KAZN: variants seen among roughly 807,000 people sequenced by gnomAD.
KAZN encodes kazrin, periplakin interacting protein, also known as kazrin.
A neutral mutation model predicts 87.4 loss-of-function variants in KAZN; 40 were observed. That is an observed-to-expected ratio of 0.46 (90% confidence interval 0.36 to 0.60). The LOEUF (loss-of-function observed/expected upper bound fraction) is 0.60, where lower values mean the gene tolerates loss of function less well. KAZN is among the 20% of genes least tolerant of loss of function. The pLI is 0.00. For missense variants in KAZN, 898 were observed against 1,073.9 expected (o/e 0.84, Z 2.29); for synonymous variants, 466 against 458.3 (o/e 1.02, Z -0.22).
intron 1 of KAZN, among the ~76,000 whole-genome samples, chr1:14,941,560 G>A (rs533705472): frequency 1.4e-5 from 2 of 139,290 alleles, no homozygotes; most frequent in African/African-American, 5.4e-5. Context: ...TGGGATGGGG[G>A]TGTGGGGTGG....
At chr1:14,922,111 T>A (rs1658590436) in intron 1 of KAZN, among the ~76,000 whole-genome samples, 1 of 152,238 alleles carries the variant, frequency 6.6e-6, no homozygotes, top group Admixed American at 6.5e-5. Context: ...AGACTATGTT[T>A]CTTTGCGGAA....
intron 2 of KAZN, among the ~76,000 whole-genome samples, chr1:14,510,972 G>T (rs541519370): frequency 7.2e-5 from 11 of 152,238 alleles, no homozygotes; most frequent in African/African-American, 2.6e-4. Flanking sequence ...TAGACCAAGA[G>T]GTCTCTTCGT....
chr1:14,460,978 C>A (rs1204300233), intron 2 of KAZN, among the ~76,000 whole-genome samples: 2 of 152,172 alleles, frequency 1.3e-5, no homozygotes, highest in South Asian at 2.1e-4. Flanking sequence ...AGGCTCAAAC[C>A]TAGAGTATCT....
chr1:14,156,837 A>G (rs545466602), intron 1 of KAZN, among the ~76,000 whole-genome samples: 1 of 149,600 alleles, frequency 6.7e-6, no homozygotes, highest in Non-Finnish European at 1.5e-5. Flanking sequence ...TTTACATTCC[A>G]TGCTATTATT....
chr1:13,952,417 G>T (rs935412941), intron 1 of KAZN, among the ~76,000 whole-genome samples: 2 of 151,766 alleles, frequency 1.3e-5, no homozygotes, highest in Admixed American at 6.6e-5. Context: ...GGGATGATAG[G>T]ATGAAACAGA....
At chr1:13,897,246 ATACT>A (rs1639079374) in intron 1 of KAZN, among the ~76,000 whole-genome samples, 1 of 152,214 alleles carries the variant, frequency 6.6e-6, no homozygotes, top group Non-Finnish European at 1.5e-5. Context: ...AAAGCCAATA[ATACT>A]TATTATCTGG....
In KAZN at chr1:14,416,967, CATATGTATAT is replaced by C. The variant is rs1046863972; in HGVS notation, c.250-182013_250-182004del. The stretch of plus-strand genomic sequence containing the variant: ...GCGTGTATATGTGTATGTGTGTATA[CATATGTATAT>C]ATGTGTATATATATGTGTGTATGTA... On this transcript the variant is annotated intron_variant, in intron 2 of 16. Coordinates refer to the KAZN transcript ENST00000636203. Among the ~76,000 whole-genome samples, 4 of 145,682 alleles carry C rather than the reference CATATGTATAT, an allele frequency of 2.7e-5. No homozygotes were observed. In the Admixed American group the frequency reaches 2.8e-4, roughly 10 times the overall value.
intron 1 of KAZN, among the ~76,000 whole-genome samples, chr1:13,975,059 T>C (rs1638259546): frequency 6.6e-6 from 1 of 152,254 alleles, no homozygotes. Context: ...TTCTAGGCAC[T>C]GTGCTGGATT....
At chr1:14,988,703 G>GA (rs748076293) in intron 2 of KAZN, among the ~76,000 whole-genome samples, 3 of 152,092 alleles carry the variant, frequency 2.0e-5, no homozygotes, top group Non-Finnish European at 4.4e-5. Context: ...CTCCACTGAT[G>GA]CCCCCCCAGT....
At position 14,497,614 on chromosome 1, in the gene KAZN, T is replaced by C. The variant is rs149359115; in HGVS notation, c.250-101369T>C. Among the ~76,000 whole-genome samples, 413 of 152,212 alleles carry C rather than the reference T, an allele frequency of 2.7e-3. 1 individual carries two copies. Among genetic ancestry groups the C allele is most frequent in the Non-Finnish European group, 5.0e-3 (342 of 68,018 alleles). The stretch of plus-strand genomic sequence containing the variant: ...GTATGGAATTTGAAACAGAGTAAAA[T>C]AATAGGACATTTAATACTGCTTGTC... On this transcript the variant is annotated intron_variant, in intron 2 of 16. Transcript: ENST00000636203.
At chr1:14,533,117 G>T (rs1672303245) in intron 2 of KAZN, among the ~76,000 whole-genome samples, 2 of 152,248 alleles carry the variant, frequency 1.3e-5, no homozygotes, top group African/African-American at 2.4e-5. Flanking sequence ...TGAGAATCAA[G>T]TTATAACTGT....
intron 1 of KAZN, among the ~76,000 whole-genome samples, chr1:14,634,436 A>G: frequency 6.6e-6 from 1 of 152,252 alleles, no homozygotes; most frequent in East Asian, 1.9e-4. Context: ...GTAAATATCC[A>G]GTTATTTACA....
intron 1 of KAZN, among the ~76,000 whole-genome samples, chr1:14,054,086 G>A (rs2101478778): frequency 6.6e-6 from 1 of 151,554 alleles, no homozygotes; most frequent in East Asian, 1.9e-4. Context: ...CAAAGGTAGT[G>A]GTTTGTCCGT....
intron 2 of KAZN, among the ~76,000 whole-genome samples, chr1:14,319,541 G>C (rs974202367): frequency 2.6e-5 from 4 of 152,140 alleles, no homozygotes; most frequent in African/African-American, 9.7e-5. Context: ...TTTTTCTGTA[G>C]AGCCCCGTTC....
At position 14,278,799 on chromosome 1, in the gene KAZN, C is replaced by T. The variant is rs563213195; in HGVS notation, c.249+98207C>T. Among the ~76,000 whole-genome samples the T allele has an allele frequency of 3.9e-5, 6 of 152,190 alleles. No individual in the cohort carries two copies. The South Asian group carries it at 8.3e-4, about 21-fold the overall frequency. On this transcript the variant is annotated intron_variant, in intron 2 of 16. Coordinates refer to the KAZN transcript ENST00000636203. Reference sequence around the variant, plus strand: ...TTTATTGGAGAAACTGATTCATTTACGGTATAAATGTCCCACATTCTGGAT... The same window carrying T: ...TTTATTGGAGAAACTGATTCATTTATGGTATAAATGTCCCACATTCTGGAT...
intron 1 of KAZN, among the ~76,000 whole-genome samples, chr1:14,780,358 T>TTGAG (rs1446571170): frequency 1.3e-5 from 2 of 152,122 alleles, no homozygotes; most frequent in Non-Finnish European, 2.9e-5. Flanking sequence ...CATTTGGAGG[T>TTGAG]TGAGTGTCTC....
At chr1:14,944,714 G>A (rs1186070720) in intron 1 of KAZN, among the ~76,000 whole-genome samples, 3 of 152,210 alleles carry the variant, frequency 2.0e-5, no homozygotes, top group South Asian at 4.1e-4. Context: ...CTTTATTTAG[G>A]ACAATAAAAC....
At chr1:14,317,386 C>T (rs979392194) in intron 2 of KAZN, among the ~76,000 whole-genome samples, 10 of 151,940 alleles carry the variant, frequency 6.6e-5, no homozygotes, top group South Asian at 6.2e-4. Context: ...TTTTTACCTG[C>T]CTTTGACTTT....
rs147366651 is a variant in KAZN at position 14,630,974 on chromosome 1, G to A, written c.226+31751G>A. On this transcript the variant is annotated intron_variant, in intron 1 of 14. Transcript: ENST00000376030. ...TGTTTAAAACATAATTTCATAACTA[G>A]TATACGTTGATTACCCCTTCATCCA... Among the ~76,000 whole-genome samples, 36 of 152,262 alleles carry A rather than the reference G, an allele frequency of 2.4e-4. No individual in the cohort carries two copies. In the East Asian group the frequency reaches 6.7e-3, roughly 29 times the overall value.
Sources: gnomAD v4.1 joint callset for allele counts (sites outside exome capture counted in the v4.1 genomes callset) on GRCh38, gnomAD v4.1.1 for gene constraint, MANE v1.5 for transcripts, NCBI Gene and HGNC (gene_info 2026-07-23, HGNC 2026-07-21) for gene names.